Variants in MGAT5 observed in about 807,000 individuals in gnomAD.
MGAT5 encodes the protein alpha-1,6-mannosylglycoprotein 6-beta-N-acetylglucosaminyltransferase.
Under a neutral mutation model 94.3 loss-of-function variants are expected in MGAT5, and 30 were observed. The ratio of observed to expected loss-of-function variants is 0.32; its 90% confidence interval spans 0.24 to 0.43. The LOEUF is 0.43. Among genes scored for constraint, MGAT5 ranks in the 20% least tolerant of loss-of-function variants. The pLI is 1.00. For synonymous variants in MGAT5, 310 were observed against 322.9 expected (o/e 0.96, Z 0.43); for missense variants, 691 against 905.5 (o/e 0.76, Z 3.04).
chr2:134,258,532 A>AT (rs559690023), intron 1 of MGAT5, among the ~76,000 whole-genome samples: 260 of 152,318 alleles, frequency 1.7e-3, no homozygotes, highest in Middle Eastern at 3.4e-3. Flanking sequence ...CAAAGCCTAA[A>AT]TATTTACTGT....
At chr2:134,375,569 G>A (rs1479536723) in intron 10 of MGAT5, among the ~76,000 whole-genome samples, 1 of 152,180 alleles carries the variant, frequency 6.6e-6, no homozygotes, top group Non-Finnish European at 1.5e-5. Context: ...TGTGATTCTT[G>A]TCATCCAGAA....
At chr2:134,258,582 G>A (rs1055333550) in intron 1 of MGAT5, among the ~76,000 whole-genome samples, 2 of 152,218 alleles carry the variant, frequency 1.3e-5, no homozygotes, top group Non-Finnish European at 2.9e-5. Context: ...CTCTGACCTA[G>A]ATAGTCTCTG....
intron 1 of MGAT5, among the ~76,000 whole-genome samples, chr2:134,255,518 T>TAC (rs954176555): frequency 2.7e-5 from 4 of 150,740 alleles, no homozygotes; most frequent in African/African-American, 4.9e-5. Context: ...CATATATATA[T>TAC]ACACACACAT....
At chr2:134,145,335 A>G (rs1686870429) in intron 1 of MGAT5, among the ~76,000 whole-genome samples, 1 of 152,108 alleles carries the variant, frequency 6.6e-6, no homozygotes, top group Non-Finnish European at 1.5e-5. Context: ...TCACGAAGTC[A>G]GGAGATTGAG....
At chr2:134,198,177 G>A (rs1424172329) in intron 1 of MGAT5, among the ~76,000 whole-genome samples, 2 of 152,154 alleles carry the variant, frequency 1.3e-5, no homozygotes, top group African/African-American at 4.8e-5. Flanking sequence ...TCTTCATATT[G>A]AAAAATGAAA....
chr2:134,155,164 C>G (rs75070196), intron 1 of MGAT5, among the ~76,000 whole-genome samples: 4,471 of 152,290 alleles, frequency 0.029, 331 homozygotes, highest in East Asian at 0.28. Context: ...GGAGAGTGCT[C>G]TCTTTCCCCA....
At chr2:134,398,718 A>G (rs1014309569) in intron 10 of MGAT5, among the ~76,000 whole-genome samples, 10 of 145,898 alleles carry the variant, frequency 6.9e-5, no homozygotes, top group African/African-American at 2.5e-4. Context: ...GAAAATATGT[A>G]CATAATGGAA....
intron 1 of MGAT5, among the ~76,000 whole-genome samples, chr2:134,201,816 CTTTTTTTTTTTTTT>C (rs554227745): frequency 8.8e-5 from 6 of 67,878 alleles, no homozygotes; most frequent in East Asian, 3.4e-4. Context: ...CCAAGCGCTG[CTTTTTTTTTTTTTT>C]TTTTTTTTTT....
chr2:134,237,648 T>A (rs1483825279), intron 1 of MGAT5, among the ~76,000 whole-genome samples: 2 of 108,514 alleles, frequency 1.8e-5, no homozygotes, highest in African/African-American at 6.7e-5. Flanking sequence ...TGAGATGGAG[T>A]CTTGCTCTGT....
At position 134,317,549 on chromosome 2, in the gene MGAT5, G is replaced by GA; in HGVS notation, c.432dup (p.Cys145MetfsTer13). ...CACAGATATCATTAACGGAGCTCAA[G>GA]AAAAATGTGTATTGCCTCCTATGGA... On this transcript the variant is annotated frameshift_variant, in exon 3 of 16. Coordinates refer to ENST00000281923, the MANE Select transcript of MGAT5 (RefSeq NM_002410.5). LOFTEE classifies it high-confidence loss of function. The GA allele has an allele frequency of 6.4e-7, 1 of 1,569,926 alleles. No individual in the cohort carries two copies.
At position 134,448,878 on chromosome 2, in the gene MGAT5, C is replaced by A. The variant is rs556528641; in HGVS notation, c.*31C>A. ...ACCTGCTCAGCCCTGCACCATGCTG[C>A]TGGGGAAGACAGTGGCCCCAGCCCC... On this transcript the variant is annotated 3_prime_UTR_variant, in exon 16 of 16. Transcript: ENST00000281923. 1.9e-6 allele frequency: 3 copies of A among 1,599,440 alleles called. No individual in the cohort carries two copies. The highest frequency in any genetic ancestry group is 2.6e-6 in the Non-Finnish European group (3 of 1,171,822).
intron 12 of MGAT5, among the ~76,000 whole-genome samples, chr2:134,414,572 T>G (rs1366560247): frequency 6.6e-6 from 1 of 152,192 alleles, no homozygotes; most frequent in Admixed American, 6.5e-5. Flanking sequence ...GTCATTACAA[T>G]CAAGCTAATC....
intron 1 of MGAT5, among the ~76,000 whole-genome samples, chr2:134,135,867 A>G (rs1315522304): frequency 2.0e-5 from 3 of 152,114 alleles, no homozygotes; most frequent in South Asian, 4.1e-4. Context: ...TTGCTGGGCC[A>G]TGGCTCCCGT....
At chr2:134,252,444 A>G (rs546481631), upstream of MGAT5, among the ~76,000 whole-genome samples, 19 of 152,204 alleles carry the variant, frequency 1.2e-4, no homozygotes, top group African/African-American at 4.1e-4. Context: ...ATAGTGATGG[A>G]ATGTATGGGT....
intron 9 of MGAT5, among the ~76,000 whole-genome samples, chr2:134,351,014 A>C (rs1679349116): frequency 6.6e-6 from 1 of 152,174 alleles, no homozygotes; most frequent in South Asian, 2.1e-4. Context: ...CACTAAATGT[A>C]ACAGCACATG....
At chr2:134,197,103 T>TG (rs35181500) in intron 1 of MGAT5, among the ~76,000 whole-genome samples, 2 of 152,188 alleles carry the variant, frequency 1.3e-5, no homozygotes, top group Non-Finnish European at 2.9e-5. Flanking sequence ...GTGGATGGTA[T>TG]GGGGGGTGGT....
At chr2:134,189,609 T>G (rs1413221480) in intron 1 of MGAT5, among the ~76,000 whole-genome samples, 6 of 134,072 alleles carry the variant, frequency 4.5e-5, no homozygotes, top group Admixed American at 7.3e-5. Context: ...TTTGTTTTTT[T>G]TTTTTTTTTT....
At position 134,180,321 on chromosome 2, in the gene MGAT5, A is replaced by G. The variant is rs150220266; in HGVS notation, c.-143+60030A>G. Among the ~76,000 whole-genome samples, 757 of 152,144 alleles carry G rather than the reference A, an allele frequency of 5.0e-3. 6 individuals carry two copies. The highest frequency in any genetic ancestry group is 0.017 in the African/African-American group (716 of 41,488). The stretch of plus-strand genomic sequence containing the variant: ...ACCCTCTCTTGGGGTCTGTATTGGG[A>G]CCTCTTTCCAGTAACAAATCTGCTG... On this transcript the variant is annotated intron_variant, in intron 1 of 16. Transcript: ENST00000409645.
At chr2:134,430,015 G>C (rs1684798026) in intron 14 of MGAT5, among the ~76,000 whole-genome samples, 1 of 152,190 alleles carries the variant, frequency 6.6e-6, no homozygotes, top group Non-Finnish European at 1.5e-5. Context: ...AGGGCCTCAG[G>C]AGACAGAAGG....
Sources: allele counts gnomAD v4.1 joint callset (sites outside exome capture counted in the v4.1 genomes callset), GRCh38; gene constraint gnomAD v4.1.1; transcripts MANE v1.5; gene names NCBI Gene and HGNC (gene_info 2026-07-23, HGNC 2026-07-21).